HMGB1: variants seen among roughly 807,000 people sequenced by gnomAD.
The protein encoded by HMGB1 is high mobility group protein B1.
For missense variants in HMGB1, 79 were observed against 253.5 expected (o/e 0.31, Z 4.67); for synonymous variants, 81 against 84.0 (o/e 0.96, Z 0.19).
At chr13:30,564,025 A>T (rs1040896931) in intron 1 of HMGB1, among the ~76,000 whole-genome samples, 5 of 152,216 alleles carry the variant, frequency 3.3e-5, no homozygotes, top group African/African-American at 1.2e-4. Flanking sequence ...TGGTGGCCAA[A>T]ACATTTTAGC....
intron 1 of HMGB1, among the ~76,000 whole-genome samples, chr13:30,578,365 GTTCTTTTTTTTTT>G (rs1436344186): frequency 1.5e-5 from 1 of 67,074 alleles, no homozygotes; most frequent in Non-Finnish European, 3.0e-5. Flanking sequence ...ACCAGTTCTT[GTTCTTTTTTTTTT>G]TTTTTTTTTT....
At chr13:30,501,360 T>C (rs944285512) in intron 1 of HMGB1, among the ~76,000 whole-genome samples, 1 of 152,078 alleles carries the variant, frequency 6.6e-6, no homozygotes, top group African/African-American at 2.4e-5. Context: ...TTTAGTTTAG[T>C]TTAGTTTAGA....
chr13:30,577,331 C>A (rs572509931), intron 1 of HMGB1, among the ~76,000 whole-genome samples: 5 of 138,712 alleles, frequency 3.6e-5, no homozygotes, highest in Non-Finnish European at 3.0e-5. Context: ...CAGCATGAGA[C>A]CCAGTCTCTT....
At chr13:30,492,125 A>G (rs946893655) in intron 1 of HMGB1, among the ~76,000 whole-genome samples, 1 of 151,848 alleles carries the variant, frequency 6.6e-6, no homozygotes, top group African/African-American at 2.4e-5. Flanking sequence ...CCAAGATTGC[A>G]CCACTGCACT....
At chr13:30,465,183 CCCGCCGCCCGG>C (rs1432005148) in intron 1 of HMGB1, 140 of 941,314 alleles carry the variant, frequency 1.5e-4, no homozygotes, top group Non-Finnish European at 1.7e-4. Context: ...CGCCGCTCCC[CCCGCCGCCCGG>C]CCGCCGCCGC....
intron 1 of HMGB1, among the ~76,000 whole-genome samples, chr13:30,517,252 A>C (rs775999502): frequency 1.3e-5 from 2 of 152,366 alleles, no homozygotes; most frequent in Middle Eastern, 6.8e-3. Context: ...GTTTCTAACA[A>C]GTTCCCAGGT....
At chr13:30,550,065 A>G (rs1320250200) in intron 1 of HMGB1, among the ~76,000 whole-genome samples, 1 of 150,806 alleles carries the variant, frequency 6.6e-6, no homozygotes, top group East Asian at 1.9e-4. Flanking sequence ...TTTATAAATT[A>G]ATATTCAAAC....
chr13:30,517,680 C>A (rs183634906), intron 1 of HMGB1, among the ~76,000 whole-genome samples: 1 of 152,176 alleles, frequency 6.6e-6, no homozygotes. Context: ...TGAGCCACTG[C>A]GCCTGGCCTC....
intron 1 of HMGB1, among the ~76,000 whole-genome samples, chr13:30,482,041 G>A (rs1175243796): frequency 6.6e-6 from 1 of 152,086 alleles, no homozygotes; most frequent in African/African-American, 2.4e-5. Flanking sequence ...TATTGGCCAG[G>A]CTGGTCTTGA....
chr13:30,550,427 T>A (rs1869371463), intron 1 of HMGB1, among the ~76,000 whole-genome samples: 2 of 152,152 alleles, frequency 1.3e-5, no homozygotes, highest in African/African-American at 4.8e-5. Context: ...GGAATGAGAG[T>A]ACATATCCTC....
At chr13:30,596,081 G>T (rs1477645393) in intron 1 of HMGB1, among the ~76,000 whole-genome samples, 1 of 152,052 alleles carries the variant, frequency 6.6e-6, no homozygotes, top group Non-Finnish European at 1.5e-5. Context: ...TCAATTCCTT[G>T]GTATGCCAAT....
chr13:30,580,953 C>G (rs1870873809), intron 1 of HMGB1, among the ~76,000 whole-genome samples: 1 of 152,058 alleles, frequency 6.6e-6, no homozygotes, highest in Non-Finnish European at 1.5e-5. Flanking sequence ...TGGGCATTTT[C>G]TTTCTGGGAC....
At chr13:30,466,415 G>T (rs1448904186), upstream of HMGB1, among the ~76,000 whole-genome samples, 12 of 152,272 alleles carry the variant, frequency 7.9e-5, no homozygotes, top group South Asian at 1.5e-3. Flanking sequence ...TGAAAACTGG[G>T]GTCTCTGCTG....
chr13:30,507,490 G>A (rs988088229), intron 1 of HMGB1, among the ~76,000 whole-genome samples: 8 of 152,164 alleles, frequency 5.3e-5, no homozygotes, highest in Non-Finnish European at 1.0e-4. Context: ...CAAAGTATCT[G>A]GTTTCTTTAG....
At chr13:30,468,995 G>A (rs1886862115), upstream of HMGB1, among the ~76,000 whole-genome samples, 1 of 151,926 alleles carries the variant, frequency 6.6e-6, no homozygotes, top group African/African-American at 2.4e-5. Flanking sequence ...CCGGGTTCAA[G>A]CAATTCTCGT....
chr13:30,525,858 G>GGC (rs891781237), intron 1 of HMGB1, among the ~76,000 whole-genome samples: 2 of 151,336 alleles, frequency 1.3e-5, no homozygotes, highest in Non-Finnish European at 3.0e-5. Flanking sequence ...TGAGATTGTG[G>GGC]GGGGACACAA....
intron 1 of HMGB1, among the ~76,000 whole-genome samples, chr13:30,508,679 C>G (rs1887924758): frequency 6.6e-6 from 1 of 152,238 alleles, no homozygotes; most frequent in South Asian, 2.1e-4. Flanking sequence ...TTCTCACCGC[C>G]TTTCATTTTG....
At chr13:30,540,582 CTT>C (rs373841770) in intron 1 of HMGB1, 37,299 of 132,208 alleles carry the variant, frequency 0.28, 7,153 homozygotes, top group African/African-American at 0.59. Flanking sequence ...ACACTTTAGT[CTT>C]TTTTTTTTTT....
In HMGB1 at chr13:30,500,594, T is replaced by G. The variant is rs1054044290; in HGVS notation, c.-14-36900A>C. Among the ~76,000 whole-genome samples the G allele has an allele frequency of 2.4e-3, 356 of 149,370 alleles. 1 individual carries two copies. Among genetic ancestry groups the G allele is most frequent in the African/African-American group, 8.6e-3 (342 of 39,628 alleles). The stretch of plus-strand genomic sequence containing the variant: ...TCTCATTCTGTTGCCCAGGCTGGAG[T>G]GCAGTGGCATGATCTCAGCTCAATT... On this transcript the variant is annotated intron_variant, in intron 1 of 4. Coordinates refer to the HMGB1 transcript ENST00000405805.
Sources: allele counts gnomAD v4.1 joint callset (sites outside exome capture counted in the v4.1 genomes callset), GRCh38; gene constraint gnomAD v4.1.1; transcripts MANE v1.5; gene names NCBI Gene and HGNC (gene_info 2026-07-23, HGNC 2026-07-21).